Variants in FREM3 observed in about 807,000 individuals in gnomAD.
The protein encoded by FREM3 is FRAS1-related extracellular matrix protein 3.
A neutral mutation model predicts 129.1 loss-of-function variants in FREM3; 105 were observed. The observed-to-expected ratio is 0.81, with a 90% CI of 0.69 to 0.96. The LOEUF is 0.96. Among genes scored for constraint, FREM3 ranks in the 40% least tolerant of loss-of-function variants. The pLI is 0.00. For synonymous variants in FREM3, 1,014 were observed against 1,044.9 expected (o/e 0.97, Z 0.57); for missense variants, 2,593 against 2,666.3 (o/e 0.97, Z 0.61).
intron 6 of FREM3, among the ~76,000 whole-genome samples, chr4:143,610,156 A>T (rs962096413): frequency 3.3e-5 from 5 of 152,178 alleles, no homozygotes; most frequent in African/African-American, 4.8e-5. Context: ...TTTTGGAATT[A>T]GTCCTAGAAA....
intron 2 of FREM3, among the ~76,000 whole-genome samples, chr4:143,659,640 C>A (rs1413363310): frequency 1.7e-5 from 2 of 118,762 alleles, no homozygotes; most frequent in Non-Finnish European, 3.4e-5. Flanking sequence ...AGTTCTAGAT[C>A]CCTGAGGAAT....
chr4:143,650,596 T>G (rs574603662), intron 2 of FREM3, among the ~76,000 whole-genome samples: 1 of 152,314 alleles, frequency 6.6e-6, no homozygotes, highest in African/African-American at 2.4e-5. Flanking sequence ...GTCCAAGCTG[T>G]CCTCCCACCT....
At chr4:143,678,005 A>G (rs958120817) in intron 2 of FREM3, among the ~76,000 whole-genome samples, 4 of 152,236 alleles carry the variant, frequency 2.6e-5, no homozygotes, top group Non-Finnish European at 4.4e-5. Context: ...ATCTAGAACT[A>G]GAAATCCCAT....
rs530371342 is a variant in FREM3, at chr4:143,600,216, G to A, written c.6028+11063C>T. Reference sequence around the variant, plus strand: ...ATGGAATTGCAGACCATTATTCTAAGTGAAGTAAACTCAGGAATGGAAAAC... The same window carrying A: ...ATGGAATTGCAGACCATTATTCTAAATGAAGTAAACTCAGGAATGGAAAAC... On this transcript the variant is annotated intron_variant, in intron 6 of 7. Transcript: ENST00000329798. 6.2e-5 allele frequency among the ~76,000 whole-genome samples: 8 copies of A among 129,980 alleles called. No homozygotes were observed. The South Asian group carries it at 1.9e-3, about 30-fold the overall frequency. 85.3% of individuals were successfully genotyped at this position (129,980 alleles called of 152,430 possible). A position where few individuals can be genotyped will look rare whatever the true frequency, so the allele number is the denominator to read the frequency against.
chr4:143,585,177 G>A lies in FREM3; in HGVS notation c.6178+667C>T, dbSNP rs995196796. ...GCTAAATGCTCACATCAAAAAGTTA[G>A]AAAGATATAAAATTAACAACCTAAC... is the stretch of plus-strand genomic sequence containing the variant. On this transcript the variant is annotated intron_variant, in intron 7 of 7. Coordinates refer to ENST00000329798, the MANE Select transcript of FREM3 (RefSeq NM_001168235.2). The surrounding 1 kb of genome is among the most constrained non-coding windows in gnomAD (Gnocchi z 4.2). Among the ~76,000 whole-genome samples, 6 of 152,212 alleles carry A rather than the reference G, an allele frequency of 3.9e-5. No homozygotes were observed. Among genetic ancestry groups the A allele is most frequent in the Non-Finnish European group, 8.8e-5 (6 of 68,030 alleles).
chr4:143,638,711 G>A (rs1739274011), intron 2 of FREM3, among the ~76,000 whole-genome samples: 1 of 152,100 alleles, frequency 6.6e-6, no homozygotes, highest in Non-Finnish European at 1.5e-5. Context: ...AGTTTGCTGT[G>A]TCCTTACCAA....
intron 6 of FREM3, among the ~76,000 whole-genome samples, chr4:143,588,907 C>CG (rs1490407166): frequency 1.3e-5 from 2 of 150,784 alleles, no homozygotes; most frequent in African/African-American, 4.9e-5. Flanking sequence ...CAGCACCTGT[C>CG]GTTTCCTGAC....
At chr4:143,611,226 A>G in intron 6 of FREM3, 53 bp downstream of exon 6, 1 of 1,498,544 alleles carries the variant, frequency 6.7e-7, no homozygotes, top group African/African-American at 1.4e-5. Context: ...TGTTGGAGGA[A>G]AGTGTGAGAA....
chr4:143,601,354 C>T (rs1382929312), intron 6 of FREM3, among the ~76,000 whole-genome samples: 1 of 152,148 alleles, frequency 6.6e-6, no homozygotes, highest in African/African-American at 2.4e-5. Flanking sequence ...AGATACTAAA[C>T]TAGCTGGTAA....
intron 7 of FREM3, among the ~76,000 whole-genome samples, chr4:143,579,959 C>T (rs914203532): frequency 2.6e-5 from 4 of 152,136 alleles, no homozygotes; most frequent in African/African-American, 9.7e-5. Flanking sequence ...TACTTTTATG[C>T]AAAGAGGTTT....
chr4:143,678,172 A>G (rs1740180068), intron 2 of FREM3, among the ~76,000 whole-genome samples: 1 of 152,254 alleles, frequency 6.6e-6, no homozygotes. Context: ...TGGATTAAGA[A>G]AATGTGGCAC....
chr4:143,581,933 AC>A lies in FREM3; in HGVS notation c.6178+3910del, dbSNP rs374425598. On this transcript the variant is annotated intron_variant, in intron 7 of 7. Transcript: ENST00000329798. ...CAAAGATTCTGAGTGCTTTACTCACACCTCCAGCTCTTAGCTGCCCTAAGGA... is the reference window on the plus strand; with the variant it reads ...CAAAGATTCTGAGTGCTTTACTCACACTCCAGCTCTTAGCTGCCCTAAGGA... 1.1e-4 allele frequency among the ~76,000 whole-genome samples: 17 copies of A among 151,870 alleles called. No individual in the cohort carries two copies. The East Asian group carries it at 3.3e-3, about 30-fold the overall frequency.
At chr4:143,679,506 T>C (rs79502348) in intron 2 of FREM3, among the ~76,000 whole-genome samples, 2,542 of 152,132 alleles carry the variant, frequency 0.017, 82 homozygotes, top group African/African-American at 0.057. Context: ...TAATCAGCGG[T>C]TTCAGCATAA....
At position 143,697,201 on chromosome 4, in the gene FREM3, C is replaced by G. The variant is rs1560877128; in HGVS notation, c.3475G>C (p.Val1159Leu). 1 of 1,537,890 alleles carries G rather than the reference C, an allele frequency of 6.5e-7. No homozygotes were observed. Residue 1159 changes from valine to leucine, a missense_variant, in exon 1 of 8, where the codon GTA (valine) becomes CTA (leucine). Val to Leu is a conservative substitution (Grantham distance 32, BLOSUM62 1). Transcript: ENST00000329798. The part of the protein sequence containing the change: ...INYVQSIHKG[V>L]EPQEDQFTFY... ...GTGAATTGGTCCTCTTGTGGCTCTACTCCCTTGTGAATACTCTGTACATAA... is the reference window on the plus strand; with the variant it reads ...GTGAATTGGTCCTCTTGTGGCTCTAGTCCCTTGTGAATACTCTGTACATAA...
intron 2 of FREM3, among the ~76,000 whole-genome samples, chr4:143,653,509 A>G (rs1739547431): frequency 6.6e-6 from 1 of 152,182 alleles, no homozygotes; most frequent in African/African-American, 2.4e-5. Context: ...TGCCAGCAAG[A>G]CAGAGATGCA....
chr4:143,616,441 G>C (rs1205008033), intron 5 of FREM3, among the ~76,000 whole-genome samples: 2 of 151,968 alleles, frequency 1.3e-5, no homozygotes, highest in African/African-American at 4.8e-5. Flanking sequence ...TTTTTTAAAA[G>C]GAAAGAAAAA....
At chr4:143,682,107 A>G (rs1740262382) in intron 2 of FREM3, among the ~76,000 whole-genome samples, 2 of 152,230 alleles carry the variant, frequency 1.3e-5, no homozygotes, top group Admixed American at 1.3e-4. Flanking sequence ...GAATAAGTTA[A>G]TAAACTTCTT....
At chr4:143,591,296 T>C (rs1393035118) in intron 6 of FREM3, among the ~76,000 whole-genome samples, 1 of 152,226 alleles carries the variant, frequency 6.6e-6, no homozygotes, top group East Asian at 1.9e-4. Context: ...TGAATGTGTT[T>C]GCTCTTGCTT....
intron 2 of FREM3, among the ~76,000 whole-genome samples, chr4:143,683,802 G>A (rs1235992852): frequency 6.6e-6 from 1 of 152,186 alleles, no homozygotes; most frequent in Non-Finnish European, 1.5e-5. Context: ...CCTGGAAATG[G>A]TCTGGGGCTG....
Sources: allele counts gnomAD v4.1 joint callset (sites outside exome capture counted in the v4.1 genomes callset), GRCh38; gene constraint gnomAD v4.1.1; non-coding constraint Gnocchi (gnomAD v3.1); transcripts MANE v1.5; gene names NCBI Gene and HGNC (gene_info 2026-07-23, HGNC 2026-07-21).